The following PIGG variants were observed in gnomAD, a reference collection of about 807,000 sequenced individuals.
The protein encoded by PIGG is phosphatidylinositol glycan anchor biosynthesis class G (EMM blood group).
Under a neutral mutation model 83.2 loss-of-function variants are expected in PIGG, and 70 were observed. The ratio of observed to expected loss-of-function variants is 0.84; its 90% CI spans 0.69 to 1.03. The LOEUF is 1.03. PIGG is among the 50% of genes least tolerant of loss of function. The probability of loss-of-function intolerance (pLI) is 0.00; values close to 1 mark genes in which losing one functional copy is unlikely to be tolerated. For synonymous variants in PIGG, 532 were observed against 519.5 expected (o/e 1.02, Z -0.33); for missense variants, 1,257 against 1,233.6 (o/e 1.02, Z -0.28).
At chr4:538,050 GACCCACAC>G (rs1285490007) in intron 12 of PIGG, among the ~76,000 whole-genome samples, 2 of 149,582 alleles carry the variant, frequency 1.3e-5, no homozygotes, top group African/African-American at 2.5e-5. Context: ...CATGCAGCGG[GACCCACAC>G]ACCCACACAC....
chr4:521,452 C>T (rs2108944330), intron 7 of PIGG, among the ~76,000 whole-genome samples, 179 bp downstream of exon 7: 1 of 152,220 alleles, frequency 6.6e-6, no homozygotes, highest in Middle Eastern at 3.4e-3. Flanking sequence ...TTGTCAGTGT[C>T]AATTGGCCTC....
chr4:521,945 C>G lies in PIGG; in HGVS notation c.1614+4C>G, dbSNP rs377462432. On this transcript the variant is annotated splice_donor_region_variant and intron_variant, in intron 8 of 12. Coordinates refer to ENST00000453061, the MANE Select transcript of PIGG (RefSeq NM_001127178.3). ...GGGTGGAAACACCCCAAGGAAGGTA[C>G]GTACGGCTGGTTCCTGGGAGTGTGA... is the stretch of plus-strand genomic sequence containing the variant. 286 of 1,613,856 alleles carry G rather than the reference C, an allele frequency of 1.8e-4. No homozygotes were observed. The highest frequency in any genetic ancestry group is 2.2e-4 in the Non-Finnish European group (264 of 1,179,878).
In PIGG at chr4:522,512, G is replaced by A. The variant is rs181008920; in HGVS notation, c.1614+571G>A. 8.3e-3 allele frequency: 1,563 copies of A among 189,202 alleles called. 9 individuals are homozygous for A. The highest frequency in any genetic ancestry group is 0.013 in the Non-Finnish European group (1,177 of 88,760). The allele number at this position is 189,202 out of a possible 1,614,324, so 11.7% of individuals were successfully genotyped here. ...CTGGGGAGTGGTGGTGAGGCAGTGA[G>A]GAAGAGGCGGATGGTCACACTCAGA... On this transcript the variant is annotated intron_variant, in intron 8 of 12. Coordinates refer to ENST00000453061, the MANE Select transcript of PIGG (RefSeq NM_001127178.3).
chr4:512,242 T>C (rs1346107154), intron 5 of PIGG, among the ~76,000 whole-genome samples: 5 of 142,330 alleles, frequency 3.5e-5, no homozygotes, highest in African/African-American at 1.4e-4. Context: ...TTTTTTGAGA[T>C]GGAGTCTTGC....
intron 12 of PIGG, among the ~76,000 whole-genome samples, chr4:535,824 A>T (rs1317573724): frequency 6.6e-6 from 1 of 152,180 alleles, no homozygotes; most frequent in Middle Eastern, 3.4e-3. Flanking sequence ...AGCTCCACGC[A>T]GGTCCTCTCC....
intron 5 of PIGG, among the ~76,000 whole-genome samples, chr4:514,601 T>TTGGTCATTGTTTC (rs1208164396): frequency 3.3e-5 from 5 of 152,228 alleles, no homozygotes; most frequent in Non-Finnish European, 7.3e-5. Context: ...CTCTGAGTGG[T>TTGGTCATTGTTTC]TGGTCATTGT....
At position 503,281 on chromosome 4, in the gene PIGG, A is replaced by T. The variant is rs572520146; in HGVS notation, c.361-2437A>T. On this transcript the variant is annotated intron_variant, in intron 2 of 12. Coordinates refer to ENST00000453061, the MANE Select transcript of PIGG (RefSeq NM_001127178.3). ...TGCCCTAGCACCTTTTCTTGGCCCA[A>T]ATCACTTCTGGACACAAATCAGACC... Among the ~76,000 whole-genome samples the T allele has an allele frequency of 4.6e-5, 7 of 152,204 alleles. No individual in the cohort carries two copies. In the East Asian group the frequency reaches 5.8e-4, roughly 13 times the overall value.
At chr4:513,464 G>A (rs1722893864) in intron 5 of PIGG, among the ~76,000 whole-genome samples, 1 of 152,166 alleles carries the variant, frequency 6.6e-6, no homozygotes, top group South Asian at 2.1e-4. Context: ...GTACAGGTCT[G>A]GCCACTCCAG....
rs115590778 is a variant in PIGG at position 533,919 on chromosome 4, G to T, written c.2673G>T (p.Thr891=). 1 of 1,614,138 alleles carries T rather than the reference G, an allele frequency of 6.2e-7. No individual in the cohort carries two copies. Among genetic ancestry groups the T allele is most frequent in the South Asian group, 1.1e-5 (1 of 91,084 alleles). Residue 891 remains threonine (T), a synonymous_variant, in exon 12 of 13, where the codon ACG becomes ACT. Coordinates refer to ENST00000453061, the MANE Select transcript of PIGG (RefSeq NM_001127178.3). ...CCGTGCTCCTGACAGCGTTTGGGAC[G>T]TACGCAGGGCCTGTGCTGTGGGCCA... ...IPAVLLTAFG[T]YAGPVLWASH...
intron 8 of PIGG, 129 bp downstream of exon 8, chr4:522,070 C>T (rs1482895448): frequency 2.0e-6 from 2 of 996,832 alleles, no homozygotes; most frequent in East Asian, 5.1e-5. Context: ...TGGCAGTGCC[C>T]TGGACAGGGG....
At chr4:508,097 A>G (rs1434030517) in intron 4 of PIGG, among the ~76,000 whole-genome samples, 7 of 152,222 alleles carry the variant, frequency 4.6e-5, no homozygotes, top group African/African-American at 1.4e-4. Flanking sequence ...GAAACAGTCG[A>G]TAATCCCTCG....
chr4:501,465 G>T (rs1717707737), intron 2 of PIGG: 1 of 275,902 alleles, frequency 3.6e-6, no homozygotes, highest in South Asian at 3.4e-5. Flanking sequence ...GGAGCAGAGG[G>T]GTTGAAGTGT....
intron 8 of PIGG, among the ~76,000 whole-genome samples, 198 bp from the exon 9 acceptor site, chr4:523,261 T>A (rs1726556540): frequency 6.6e-6 from 1 of 152,194 alleles, no homozygotes; most frequent in African/African-American, 2.4e-5. Context: ...TCTCCACTCC[T>A]GCAGGCTGCG....
At chr4:507,284 C>T (rs1463168238) in intron 3 of PIGG, 121 bp from the exon 4 acceptor site, 22 of 749,770 alleles carry the variant, frequency 2.9e-5, no homozygotes, top group Non-Finnish European at 4.7e-5. Context: ...TGTTTCAACT[C>T]CCCCAAATCC....
At chr4:529,347 T>TAC (rs149338060) in intron 10 of PIGG, among the ~76,000 whole-genome samples, 3,792 of 152,242 alleles carry the variant, frequency 0.025, 144 homozygotes, top group African/African-American at 0.086. Context: ...GGTTGCCAGG[T>TAC]ACCTGACCCC....
chr4:533,674 A>G, intron 11 of PIGG, 144 bp from the exon 12 acceptor site: 1 of 711,482 alleles, frequency 1.4e-6, no homozygotes, highest in Non-Finnish European at 2.4e-6. Context: ...CTGGGCAGCC[A>G]CCTCTGACCA....
intron 3 of PIGG, among the ~76,000 whole-genome samples, 186 bp from the exon 4 acceptor site, chr4:507,219 C>CA (rs1720031134): frequency 1.3e-5 from 2 of 152,234 alleles, no homozygotes; most frequent in African/African-American, 2.4e-5. Context: ...AGATGAAAGG[C>CA]ATGAGCTGCT....
chr4:520,334 GGAAA>G (rs1380184400), intron 6 of PIGG, among the ~76,000 whole-genome samples: 3 of 152,246 alleles, frequency 2.0e-5, no homozygotes, highest in Admixed American at 1.3e-4. Context: ...AGCCAGCTCG[GGAAA>G]GAAAGAACAT....
At chr4:508,260 A>G (rs1202527633) in intron 4 of PIGG, among the ~76,000 whole-genome samples, 1 of 152,204 alleles carries the variant, frequency 6.6e-6, no homozygotes, top group Admixed American at 6.5e-5. Flanking sequence ...CAGGGTGAGC[A>G]GAGACTTGAA....
Sources: allele counts gnomAD v4.1 joint callset (sites outside exome capture counted in the v4.1 genomes callset), GRCh38; gene constraint gnomAD v4.1.1; transcripts MANE v1.5; gene names NCBI Gene and HGNC (gene_info 2026-07-23, HGNC 2026-07-21).